Variants in NHSL1 observed in about 807,000 individuals in gnomAD.
NHSL1 encodes the protein NHS-like protein 1.
NHSL1 carries 48 observed loss-of-function variants against 95.0 expected under a neutral mutation model. The ratio of observed to expected loss-of-function variants is 0.51; its 90% confidence interval spans 0.40 to 0.64. NHSL1 has a LOEUF of 0.64. Ranked by LOEUF, NHSL1 falls within the 30% of genes least tolerant of loss-of-function variation. The pLI, the probability that NHSL1 is intolerant of heterozygous loss-of-function variation, is 0.00. For missense variants in NHSL1, 1,971 were observed against 2,077.7 expected, an observed-to-expected ratio of 0.95 and a Z score of 1.00; for synonymous variants, 783 against 833.9, an observed-to-expected ratio of 0.94 and a Z score of 1.05.
rs769280163 is a variant in NHSL1 at position 138,431,923 on chromosome 6, T to G, written c.2422A>C (p.Thr808Pro). Residue 808 changes from threonine (T) to proline (P), a missense_variant, in exon 6 of 8, where the codon ACT becomes CCT. Physicochemically the swap from Thr to Pro is conservative, Grantham distance 38 (BLOSUM62 -1). Coordinates refer to ENST00000343505, the MANE Select transcript of NHSL1 (RefSeq NM_001144060.2). The surrounding 1 kb of genome is among the most constrained non-coding windows in gnomAD (Gnocchi z 4.0). ...GGCSTSSGVP[T>P]GNGPVRHVQE... ...ACATGGCGGACTGGCCCGTTCCCAG[T>G]GGGCACCCCACTGCTGGTTGAACAG... 4 of 1,551,688 alleles carry G rather than the reference T, an allele frequency of 2.6e-6. No homozygotes were observed. The highest frequency in any genetic ancestry group is 1.7e-6 in the Non-Finnish European group (2 of 1,146,988).
chr6:138,676,020 T>TA (rs752800542), intron 1 of NHSL1, among the ~76,000 whole-genome samples: 19 of 152,218 alleles, frequency 1.2e-4, no homozygotes, highest in Non-Finnish European at 2.5e-4. Context: ...GTTTCTAAAT[T>TA]AGAGATTACC....
At chr6:138,592,682 A>T (rs116706312) in intron 1 of NHSL1, among the ~76,000 whole-genome samples, 1,778 of 152,316 alleles carry the variant, frequency 0.012, 27 homozygotes, top group African/African-American at 0.041. Context: ...GTGAAAACTG[A>T]CAAGTATGCA....
At chr6:138,572,550 C>G (rs931383500), upstream of NHSL1, 1 of 152,318 alleles carries the variant, frequency 6.6e-6, no homozygotes, top group African/African-American at 2.4e-5. Context: ...CGTTCAGAGC[C>G]GCAGGACTCC....
intron 4 of NHSL1, 66 bp from the exon 5 acceptor site, chr6:138,442,180 C>A: frequency 7.2e-7 from 1 of 1,394,338 alleles, no homozygotes. Flanking sequence ...CATGCACTTT[C>A]TTCCAGAAGC....
At chr6:138,565,057 T>C (rs1400483061) in intron 1 of NHSL1, among the ~76,000 whole-genome samples, 1 of 152,138 alleles carries the variant, frequency 6.6e-6, no homozygotes, top group East Asian at 1.9e-4. Context: ...CTCCATTCTG[T>C]AGGCAATGGG....
chr6:138,542,013 C>T (rs1782600575), intron 1 of NHSL1, among the ~76,000 whole-genome samples: 1 of 152,126 alleles, frequency 6.6e-6, no homozygotes, highest in Non-Finnish European at 1.5e-5. Flanking sequence ...CGCTCACAAC[C>T]CTGGAATATG....
intron 1 of NHSL1, among the ~76,000 whole-genome samples, chr6:138,510,350 C>T (rs780563418): frequency 6.6e-6 from 1 of 152,184 alleles, no homozygotes; most frequent in Non-Finnish European, 1.5e-5. Flanking sequence ...TTTTGGTTTG[C>T]TGATGAACGA....
intron 1 of NHSL1, among the ~76,000 whole-genome samples, chr6:138,610,567 T>A (rs962340106): frequency 6.8e-6 from 1 of 147,264 alleles, no homozygotes; most frequent in Non-Finnish European, 1.5e-5. Context: ...ATATTATATA[T>A]ATATATAAAA....
intron 1 of NHSL1, among the ~76,000 whole-genome samples, chr6:138,603,736 A>G (rs1464535291): frequency 6.6e-6 from 1 of 152,246 alleles, no homozygotes; most frequent in African/African-American, 2.4e-5. Flanking sequence ...AAACAGAAGC[A>G]TGTCAGGTAC....
Position 138,430,627 on chromosome 6 carries a change from T to C in NHSL1, c.3718A>G (p.Ser1240Gly), listed in dbSNP as rs1300736486. The change falls in exon 6 of 8, where the codon AGC becomes GGC. Residue 1240 changes from serine (S) to glycine (G), a missense_variant. Physicochemically the swap from Ser to Gly is moderately conservative, Grantham distance 56 (BLOSUM62 0). This residue lies in a region of NHSL1 where 1,602 missense variants were observed against 1,654.5 expected (regional missense o/e 0.97). Transcript: ENST00000343505. The surrounding 1 kb of genome is among the most constrained non-coding windows in gnomAD (Gnocchi z 4.7). ...PTTGEEGSVH[S>G]REAKESSAAQ... is the part of the protein sequence containing the mutation. ...GCAGAACTCTCTTTTGCCTCCCTGC[T>C]GTGCACAGAGCCCTCCTCTCCCGTC... 2.6e-6 allele frequency: 4 copies of C among 1,551,504 alleles called. No homozygotes were observed. The highest frequency in any genetic ancestry group is 3.5e-6 in the Non-Finnish European group (4 of 1,146,972).
chr6:138,671,354 G>A (rs1229121485), intron 1 of NHSL1, among the ~76,000 whole-genome samples: 1 of 151,686 alleles, frequency 6.6e-6, no homozygotes, highest in African/African-American at 2.4e-5. Context: ...GGAGGCTGAG[G>A]CAGAAGAATT....
At chr6:138,555,787 G>C (rs920842921) in intron 1 of NHSL1, among the ~76,000 whole-genome samples, 1 of 152,166 alleles carries the variant, frequency 6.6e-6, no homozygotes, top group African/African-American at 2.4e-5. Context: ...TTTGTCACTT[G>C]ACCCTCACAG....
upstream of NHSL1, among the ~76,000 whole-genome samples, chr6:138,501,658 T>C (rs113786271): frequency 3.9e-5 from 6 of 152,300 alleles, no homozygotes; most frequent in African/African-American, 1.4e-4. Flanking sequence ...GAAAATGAAC[T>C]GTAGGAAGAA....
At chr6:138,589,996 C>CTTTTA (rs111459628) in intron 1 of NHSL1, among the ~76,000 whole-genome samples, 10,939 of 151,930 alleles carry the variant, frequency 0.072, 1,214 homozygotes, top group African/African-American at 0.25. Flanking sequence ...TATTTCTACT[C>CTTTTA]TTTTATTTTA....
At position 138,430,703 on chromosome 6, in the gene NHSL1, C is replaced by T. The variant is rs1775578239; in HGVS notation, c.3642G>A (p.Val1214=). 1.3e-6 allele frequency: 2 copies of T among 1,551,790 alleles called. No individual in the cohort carries two copies. The highest frequency in any genetic ancestry group is 1.7e-6 in the Non-Finnish European group (2 of 1,147,024). The stretch of plus-strand genomic sequence containing the variant: ...CTTCGCTCACGTTCTCTGCGGGCTC[C>T]ACTGCAAAATCTTTCTGCGGAGGTG... ...VVPPPQKDFA[V]EPAENVSEAL... is the part of the protein sequence containing the mutation. The change falls in exon 6 of 8, where the codon GTG becomes GTA. Residue 1214 remains valine (V), a synonymous_variant. Transcript: ENST00000343505. The surrounding 1 kb of genome is among the most constrained non-coding windows in gnomAD (Gnocchi z 4.7).
intron 1 of NHSL1, among the ~76,000 whole-genome samples, chr6:138,624,869 C>CCTAT (rs1398455876): frequency 1.3e-5 from 2 of 152,124 alleles, no homozygotes; most frequent in African/African-American, 4.8e-5. Flanking sequence ...AATAGCTATA[C>CCTAT]CTATCTCTAC....
chr6:138,692,052 T>G lies in NHSL1; in HGVS notation c.96+424A>C. 2.2e-6 allele frequency: 1 copy of G among 456,676 alleles called. No individual in the cohort carries two copies. Among genetic ancestry groups the G allele is most frequent in the Non-Finnish European group, 4.4e-6 (1 of 226,966 alleles). The allele number at this position is 456,676 out of a possible 1,614,324, so 28.3% of individuals were successfully genotyped here. A position where few individuals can be genotyped will look rare whatever the true frequency, so the allele number is the denominator to read the frequency against. ...TTTACAAACGGATCGTCCTGAAGTC[T>G]CCAAAACTGTAACTACTATATGCCC... is the stretch of plus-strand genomic sequence containing the variant. On this transcript the variant is annotated intron_variant, in intron 1 of 3. Coordinates refer to the NHSL1 transcript ENST00000491526. The surrounding 1 kb of genome is among the most constrained non-coding windows in gnomAD (Gnocchi z 4.0).
chr6:138,532,826 C>T (rs889178875), intron 1 of NHSL1, among the ~76,000 whole-genome samples: 4 of 152,108 alleles, frequency 2.6e-5, no homozygotes, highest in South Asian at 4.1e-4. Flanking sequence ...CCAGGCTCAT[C>T]CCGAATGTGT....
intron 1 of NHSL1, among the ~76,000 whole-genome samples, chr6:138,565,099 TG>T (rs1236722789): frequency 1.3e-5 from 2 of 152,104 alleles, no homozygotes; most frequent in African/African-American, 4.8e-5. Context: ...GTTGTTTTTG[TG>T]GGTTTTTCTG....
Sources: gnomAD v4.1 joint callset for allele counts (sites outside exome capture counted in the v4.1 genomes callset) on GRCh38, gnomAD v4.1.1 for gene constraint, gnomAD v4.1.1 regional missense constraint, Gnocchi (gnomAD v3.1) non-coding constraint, MANE v1.5 for transcripts, NCBI Gene and HGNC (gene_info 2026-07-23, HGNC 2026-07-21) for gene names.